The following RANGAP1 variants were observed in gnomAD, a reference collection of about 807,000 sequenced individuals.
RANGAP1 encodes the protein ran GTPase-activating protein 1.
A neutral mutation model predicts 63.5 loss-of-function variants in RANGAP1; 38 were observed. That is an observed-to-expected ratio of 0.60 (90% CI 0.46 to 0.78). RANGAP1 has a LOEUF of 0.78. Ranked by LOEUF, RANGAP1 falls within the 30% of genes least tolerant of loss-of-function variation. RANGAP1 has a pLI of 0.00. For missense variants in RANGAP1, 630 were observed against 740.3 expected, an observed-to-expected ratio of 0.85 and a Z score of 1.73; for synonymous variants, 329 against 310.5, an observed-to-expected ratio of 1.06 and a Z score of -0.63.
chr22:41,258,918 G>C (rs1432327418), intron 6 of RANGAP1, among the ~76,000 whole-genome samples: 1 of 152,230 alleles, frequency 6.6e-6, no homozygotes, highest in African/African-American at 2.4e-5. Flanking sequence ...GCCTCTCAAA[G>C]TGCTGGGATT....
chr22:41,285,761 G>A (rs538026386), intron 1 of RANGAP1: 16 of 916,762 alleles, frequency 1.7e-5, no homozygotes, highest in Non-Finnish European at 2.1e-5. Context: ...GAGCTGCTCT[G>A]GCGAGTCAGA....
At chr22:41,260,707 T>C (rs2034116087) in intron 6 of RANGAP1, among the ~76,000 whole-genome samples, 1 of 151,868 alleles carries the variant, frequency 6.6e-6, no homozygotes, top group South Asian at 2.1e-4. Context: ...ATTAGCCGGG[T>C]GTGGTGGCGG....
At position 41,272,762 on chromosome 22, in the gene RANGAP1, C is replaced by T. The variant is rs148544356; in HGVS notation, c.240+1838G>A. Among the ~76,000 whole-genome samples, 87 of 152,242 alleles carry T rather than the reference C, an allele frequency of 5.7e-4. No homozygotes were observed. The Middle Eastern group carries it at 0.01, about 18-fold the overall frequency. ...ATCTCTTGACCTTGTGATCTGCCCG[C>T]CTTGGCCTCCCAAAGTGCTAGGATT... On this transcript the variant is annotated intron_variant, in intron 3 of 15. Transcript: ENST00000356244.
At chr22:41,280,678 C>G (rs1255841429) in intron 2 of RANGAP1, 2 of 1,425,686 alleles carry the variant, frequency 1.4e-6, no homozygotes, top group Non-Finnish European at 1.9e-6. Flanking sequence ...CCCTCATTAC[C>G]TATCATCCCC....
intron 5 of RANGAP1, among the ~76,000 whole-genome samples, chr22:41,262,370 C>G (rs73430562): frequency 0.012 from 1,825 of 152,234 alleles, 40 homozygotes; most frequent in African/African-American, 0.041. Flanking sequence ...TGCAGAACAC[C>G]TGATGTTTGC....
At chr22:41,277,950 G>T (rs1217608111) in intron 2 of RANGAP1, among the ~76,000 whole-genome samples, 1 of 151,946 alleles carries the variant, frequency 6.6e-6, no homozygotes, top group Non-Finnish European at 1.5e-5. Flanking sequence ...CACCCCTGGG[G>T]ACTTACAAAA....
chr22:41,275,782 A>G (rs1181811014), intron 2 of RANGAP1, among the ~76,000 whole-genome samples: 1 of 81,244 alleles, frequency 1.2e-5, no homozygotes, highest in African/African-American at 3.0e-5. Context: ...CTGTCTCAAG[A>G]AAAAAAAAAA....
chr22:41,281,405 A>G, intron 1 of RANGAP1: 1 of 1,007,686 alleles, frequency 9.9e-7, no homozygotes, highest in African/African-American at 1.7e-5. Flanking sequence ...CCTTCAGTGA[A>G]TGGCAGTCAA....
At chr22:41,276,176 CAT>C (rs1459481060) in intron 2 of RANGAP1, among the ~76,000 whole-genome samples, 3 of 152,226 alleles carry the variant, frequency 2.0e-5, no homozygotes, top group Admixed American at 1.3e-4. Context: ...CACATGCACA[CAT>C]GTGCATAAAA....
At chr22:41,278,071 C>T (rs1181013924) in intron 2 of RANGAP1, among the ~76,000 whole-genome samples, 1 of 141,190 alleles carries the variant, frequency 7.1e-6, no homozygotes, top group African/African-American at 2.6e-5. Context: ...TAGTCTCGTT[C>T]TGTCACCGAG....
At chr22:41,281,360 C>G in intron 1 of RANGAP1, 1 of 967,170 alleles carries the variant, frequency 1.0e-6, no homozygotes, top group Non-Finnish European at 1.3e-6. Context: ...GCTGGACACC[C>G]AGCAACACCA....
chr22:41,264,597 G>A (rs1023582796), intron 5 of RANGAP1, 67 bp downstream of exon 5: 6 of 1,526,652 alleles, frequency 3.9e-6, no homozygotes, highest in East Asian at 4.6e-5. Flanking sequence ...CCAAGGGCCA[G>A]GGCACATATG....
chr22:41,263,416 CTCT>C (rs957380208), intron 5 of RANGAP1, among the ~76,000 whole-genome samples: 5 of 152,148 alleles, frequency 3.3e-5, no homozygotes, highest in African/African-American at 1.2e-4. Flanking sequence ...CGGAGTTTTG[CTCT>C]TGTTGCCCAG....
Position 41,256,025 on chromosome 22 carries a change from G to A in RANGAP1, c.1069C>T (p.Leu357Phe). The change falls in exon 10 of 16, where the codon CTC becomes TTC. Residue 357 changes from leucine (L) to phenylalanine (F), a missense_variant. Leu to Phe is a conservative substitution (Grantham distance 22, BLOSUM62 0). Coordinates refer to ENST00000356244, the MANE Select transcript of RANGAP1 (RefSeq NM_002883.4). ...GFNMAKVLAS[L>F]SDDEDEEEEE... The stretch of plus-strand genomic sequence containing the variant: ...GGGCCACCCCGAGTTCCCTACCTGA[G>A]GGACGCCAGCACCTTGGCCATGTTG... 1 of 1,613,312 alleles carries A rather than the reference G, an allele frequency of 6.2e-7. No individual in the cohort carries two copies.
At chr22:41,292,957 C>T in the RANGAP1 span, among the ~76,000 whole-genome samples, 8 of 151,130 alleles carry the variant, frequency 5.3e-5, no homozygotes, top group Non-Finnish European at 8.9e-5. Context: ...ATTGTCTAGC[C>T]GGGCGCGGTG....
intron 4 of RANGAP1, among the ~76,000 whole-genome samples, chr22:41,265,699 A>G (rs2145765330): frequency 6.6e-6 from 1 of 152,248 alleles, no homozygotes; most frequent in East Asian, 1.9e-4. Context: ...CCCTCACCCC[A>G]CCAGGAGAAA....
At chr22:41,254,108 CAA>C (rs369676930) in intron 11 of RANGAP1, among the ~76,000 whole-genome samples, 198 bp downstream of exon 11, 22 of 103,612 alleles carry the variant, frequency 2.1e-4, no homozygotes, top group Non-Finnish European at 2.2e-4. Flanking sequence ...GACTCCATCT[CAA>C]AAAAAAAAAA....
chr22:41,266,825 C>T (rs910888841), intron 4 of RANGAP1, among the ~76,000 whole-genome samples: 2 of 151,904 alleles, frequency 1.3e-5, no homozygotes, highest in Non-Finnish European at 2.9e-5. Flanking sequence ...GGATTACAGG[C>T]GTGAGCCACT....
intron 3 of RANGAP1, among the ~76,000 whole-genome samples, chr22:41,271,955 C>T (rs566855359): frequency 1.3e-5 from 2 of 152,180 alleles, no homozygotes; most frequent in Non-Finnish European, 1.5e-5. Flanking sequence ...GTGATTCACT[C>T]GAGCCACTGC....
Sources: allele counts gnomAD v4.1 joint callset (sites outside exome capture counted in the v4.1 genomes callset), GRCh38; gene constraint gnomAD v4.1.1; transcripts MANE v1.5; gene names NCBI Gene and HGNC (gene_info 2026-07-23, HGNC 2026-07-21).